The following PDE4B variants were observed in gnomAD, a reference collection of about 807,000 sequenced individuals.
The protein encoded by PDE4B is 3',5'-cyclic-AMP phosphodiesterase 4B.
Under a neutral mutation model 82.2 loss-of-function variants are expected in PDE4B, and 20 were observed. The observed-to-expected ratio is 0.24, with a 90% CI of 0.17 to 0.35. PDE4B has a LOEUF of 0.35. Ranked by LOEUF, PDE4B falls within the 10% of genes least tolerant of loss-of-function variation. The pLI is 1.00. For synonymous variants in PDE4B, 320 were observed against 318.9 expected (o/e 1.00, Z -0.04); for missense variants, 655 against 907.2 (o/e 0.72, Z 3.57).
At chr1:66,201,249 A>G (rs1368012733) in intron 3 of PDE4B, among the ~76,000 whole-genome samples, 2 of 152,184 alleles carry the variant, frequency 1.3e-5, no homozygotes, top group African/African-American at 2.4e-5. Context: ...TCGGTTTGCC[A>G]GTATTTTACT....
In PDE4B at chr1:66,188,664, C is replaced by CT. The variant is rs536996950; in HGVS notation, c.282-58790dup. Among the ~76,000 whole-genome samples, 33 of 151,598 alleles carry CT rather than the reference C, an allele frequency of 2.2e-4. 1 individual carries two copies. Among genetic ancestry groups the CT allele is most frequent in the Middle Eastern group, 3.4e-3 (1 of 294 alleles). On this transcript the variant is annotated intron_variant, in intron 3 of 16. Coordinates refer to ENST00000341517, the MANE Select transcript of PDE4B (RefSeq NM_002600.4). ...CAGAGACTAGGATTGCAACCCCTGC[C>CT]TTTTTTGTTTTCCATTTGCTTGGTA... is the stretch of plus-strand genomic sequence containing the variant.
intron 3 of PDE4B, among the ~76,000 whole-genome samples, chr1:66,022,440 G>C (rs921422375): frequency 6.6e-6 from 1 of 152,042 alleles, no homozygotes; most frequent in Non-Finnish European, 1.5e-5. Context: ...ATTGGCTGTG[G>C]GTTTGTCATA....
rs1404277674 is a variant in PDE4B, at chr1:66,372,827, C to G, written c.*149C>G. Reference sequence around the variant, plus strand: ...TTGAGTTTGGAGTCAGAAAGCAAGACCAGGAAGCAAATAGCAGCTCAGGAA... The same window carrying G: ...TTGAGTTTGGAGTCAGAAAGCAAGAGCAGGAAGCAAATAGCAGCTCAGGAA... On this transcript the variant is annotated 3_prime_UTR_variant, in exon 17 of 17. Transcript: ENST00000341517. 2.8e-6 allele frequency: 2 copies of G among 719,164 alleles called. No homozygotes were observed. Among genetic ancestry groups the G allele is most frequent in the African/African-American group, 1.8e-5 (1 of 56,284 alleles). The allele number at this position is 719,164 out of a possible 1,614,324, so 44.5% of individuals were successfully genotyped here. A position where few individuals can be genotyped will look rare whatever the true frequency, so the allele number is the denominator to read the frequency against.
intron 3 of PDE4B, among the ~76,000 whole-genome samples, chr1:66,218,016 G>A (rs1471669461): frequency 6.6e-6 from 1 of 152,130 alleles, no homozygotes; most frequent in Non-Finnish European, 1.5e-5. Flanking sequence ...CAACATTATA[G>A]CAGATGATTT....
Position 66,364,593 on chromosome 1 carries a change from CT to C in PDE4B, c.1284+1028del, listed in dbSNP as rs1663087199. 2.6e-5 allele frequency among the ~76,000 whole-genome samples: 4 copies of C among 152,256 alleles called. No individual in the cohort carries two copies. In the South Asian group the frequency reaches 8.3e-4, roughly 32 times the overall value. ...GAAGGTGAAAAAAGATTGGCCACAA[CT>C]TTTTTGTGGCAACTCTATTGCTTGT... On this transcript the variant is annotated intron_variant, in intron 12 of 16. Transcript: ENST00000341517.
At chr1:66,012,146 C>T (rs1652520595) in intron 3 of PDE4B, among the ~76,000 whole-genome samples, 1 of 152,100 alleles carries the variant, frequency 6.6e-6, no homozygotes, top group Non-Finnish European at 1.5e-5. Context: ...CAGTTGGGAA[C>T]TCCTAGGGGT....
intron 9 of PDE4B, among the ~76,000 whole-genome samples, chr1:66,360,217 ATAGGCTTGTGAGTG>A (rs1427673239): frequency 6.6e-6 from 1 of 152,204 alleles, no homozygotes; most frequent in East Asian, 1.9e-4. Context: ...AGCAAAAGTC[ATAGGCTTGTGAGTG>A]TAGGAGCTTG....
intron 3 of PDE4B, among the ~76,000 whole-genome samples, chr1:65,949,471 G>A (rs977448406): frequency 6.6e-6 from 1 of 152,042 alleles, no homozygotes; most frequent in Non-Finnish European, 1.5e-5. Flanking sequence ...ATTAAATCCT[G>A]TGTCACTGGA....
At chr1:66,341,238 C>G (rs964707692) in intron 8 of PDE4B, among the ~76,000 whole-genome samples, 10 of 152,182 alleles carry the variant, frequency 6.6e-5, no homozygotes, top group African/African-American at 2.4e-4. Context: ...TATGGCATGA[C>G]TTCTCCAAAG....
intron 3 of PDE4B, among the ~76,000 whole-genome samples, chr1:66,013,860 A>G (rs1652625435): frequency 6.6e-6 from 1 of 152,074 alleles, no homozygotes; most frequent in Admixed American, 6.6e-5. Context: ...TTTTTAATTT[A>G]TTTCCCATAC....
chr1:66,044,694 AAT>A (rs1202064504), intron 3 of PDE4B, among the ~76,000 whole-genome samples: 1 of 151,784 alleles, frequency 6.6e-6, no homozygotes, highest in East Asian at 1.9e-4. Flanking sequence ...AGATGTGAAT[AAT>A]ATTTTCCAAA....
At chr1:65,899,530 A>G (rs1646948251) in intron 1 of PDE4B, among the ~76,000 whole-genome samples, 1 of 151,594 alleles carries the variant, frequency 6.6e-6, no homozygotes, top group Admixed American at 6.6e-5. Flanking sequence ...ATGCATGTTT[A>G]TAGCTGCACA....
intron 3 of PDE4B, among the ~76,000 whole-genome samples, chr1:65,994,215 T>C (rs1651407565): frequency 6.6e-6 from 1 of 152,208 alleles, no homozygotes; most frequent in Admixed American, 6.5e-5. Context: ...TTTCTACTTA[T>C]CTAAAATGTT....
At chr1:66,300,182 C>T (rs72660605) in intron 7 of PDE4B, among the ~76,000 whole-genome samples, 3,936 of 152,216 alleles carry the variant, frequency 0.026, 68 homozygotes, top group Middle Eastern at 0.068. Flanking sequence ...GCATCAAAAG[C>T]CAATAGCTGC....
At chr1:66,353,375 A>G (rs1263028968) in intron 8 of PDE4B, among the ~76,000 whole-genome samples, 1 of 152,074 alleles carries the variant, frequency 6.6e-6, no homozygotes, top group Non-Finnish European at 1.5e-5. Flanking sequence ...CATTGGCTTC[A>G]CCTCCAAAAG....
chr1:65,869,317 G>A (rs1179326149), intron 1 of PDE4B, among the ~76,000 whole-genome samples: 3 of 152,132 alleles, frequency 2.0e-5, no homozygotes, highest in Non-Finnish European at 4.4e-5. Context: ...GTAAGTTCTT[G>A]AGGGATATTA....
intron 1 of PDE4B, among the ~76,000 whole-genome samples, chr1:65,846,393 A>G (rs1038233480): frequency 6.6e-6 from 1 of 152,226 alleles, no homozygotes; most frequent in Non-Finnish European, 1.5e-5. Context: ...TGGAATTCAG[A>G]GAGGCAAAAA....
At chr1:66,015,061 A>G (rs976815398) in intron 3 of PDE4B, among the ~76,000 whole-genome samples, 6 of 152,120 alleles carry the variant, frequency 3.9e-5, no homozygotes, top group Admixed American at 2.6e-4. Flanking sequence ...CCTGAATTTC[A>G]TATACATCCA....
At chr1:66,022,287 G>T (rs2100771296) in intron 3 of PDE4B, among the ~76,000 whole-genome samples, 1 of 152,180 alleles carries the variant, frequency 6.6e-6, no homozygotes, top group East Asian at 1.9e-4. Flanking sequence ...TTTCCTAATT[G>T]AATACCCTGT....
Sources: gnomAD v4.1 joint callset for allele counts (sites outside exome capture counted in the v4.1 genomes callset) on GRCh38, gnomAD v4.1.1 for gene constraint, MANE v1.5 for transcripts, NCBI Gene and HGNC (gene_info 2026-07-23, HGNC 2026-07-21) for gene names.